ELAVL2: variants seen among roughly 807,000 people sequenced by gnomAD.
ELAVL2 encodes ELAV like RNA binding protein 2, also known as ELAV-like protein 2.
ELAVL2 carries 4 observed loss-of-function variants against 34.6 expected under a neutral mutation model. The observed-to-expected ratio is 0.12, with a 90% CI of 0.06 to 0.26. ELAVL2 has a LOEUF of 0.26. Among genes scored for constraint, ELAVL2 ranks in the 10% least tolerant of loss-of-function variants. ELAVL2 has a pLI of 1.00. For missense variants in ELAVL2, 432 were observed against 442.8 expected, an observed-to-expected ratio of 0.98 and a Z score of 0.22; for synonymous variants, 193 against 154.8, an observed-to-expected ratio of 1.25 and a Z score of -1.83.
At chr9:23,728,013 G>C (rs1445282934) in intron 3 of ELAVL2, among the ~76,000 whole-genome samples, 1 of 152,020 alleles carries the variant, frequency 6.6e-6, no homozygotes, top group African/African-American at 2.4e-5. Flanking sequence ...CCTTTCTAAA[G>C]TAAAGCACAG....
At chr9:23,726,329 T>C (rs564984100) in intron 3 of ELAVL2, among the ~76,000 whole-genome samples, 18 of 152,260 alleles carry the variant, frequency 1.2e-4, no homozygotes, top group African/African-American at 4.3e-4. Context: ...CATGATTGTA[T>C]ACCAATTAAT....
At chr9:23,724,775 G>A (rs950458551) in intron 3 of ELAVL2, among the ~76,000 whole-genome samples, 2 of 152,076 alleles carry the variant, frequency 1.3e-5, no homozygotes, top group Non-Finnish European at 1.5e-5. Flanking sequence ...AATGAAGTTA[G>A]GAAAACATGT....
intron 1 of ELAVL2, among the ~76,000 whole-genome samples, chr9:23,812,102 G>T (rs957889497): frequency 6.6e-6 from 1 of 152,016 alleles, no homozygotes; most frequent in Non-Finnish European, 1.5e-5. Flanking sequence ...ACTATTAAAT[G>T]CAAGAGTGGG....
At chr9:23,801,753 T>C (rs758065317) in intron 1 of ELAVL2, among the ~76,000 whole-genome samples, 1 of 152,230 alleles carries the variant, frequency 6.6e-6, no homozygotes, top group Non-Finnish European at 1.5e-5. Flanking sequence ...AAGAAATTAA[T>C]TCTATTACAA....
At chr9:23,737,784 A>C (rs2048242850) in intron 2 of ELAVL2, among the ~76,000 whole-genome samples, 1 of 152,208 alleles carries the variant, frequency 6.6e-6, no homozygotes, top group South Asian at 2.1e-4. Flanking sequence ...CAGTTAGCAG[A>C]AACAGGTCAC....
chr9:23,797,596 A>G (rs913486809), intron 1 of ELAVL2, among the ~76,000 whole-genome samples: 3 of 152,222 alleles, frequency 2.0e-5, no homozygotes, highest in African/African-American at 7.2e-5. Context: ...CACCAGGTGT[A>G]CGATTTAGGT....
chr9:23,755,823 C>A (rs1256589889), intron 2 of ELAVL2, among the ~76,000 whole-genome samples: 1 of 152,116 alleles, frequency 6.6e-6, no homozygotes, highest in Non-Finnish European at 1.5e-5. Flanking sequence ...ACCACCCACC[C>A]AACCACCCTG....
intron 2 of ELAVL2, among the ~76,000 whole-genome samples, chr9:23,756,545 C>A (rs1394363502): frequency 6.6e-6 from 1 of 151,974 alleles, no homozygotes; most frequent in African/African-American, 2.4e-5. Flanking sequence ...GTTTCAAAAA[C>A]CTAATTACAC....
intron 3 of ELAVL2, among the ~76,000 whole-genome samples, chr9:23,727,758 T>C (rs1041317994): frequency 6.6e-6 from 1 of 151,998 alleles, no homozygotes; most frequent in South Asian, 2.1e-4. Context: ...CCTGAGGGAC[T>C]TCACTTCACT....
chr9:23,808,902 G>C (rs2062603342), intron 1 of ELAVL2, among the ~76,000 whole-genome samples: 1 of 152,106 alleles, frequency 6.6e-6, no homozygotes, highest in Admixed American at 6.6e-5. Context: ...ATTCCATAGG[G>C]AACTGGGGAG....
At chr9:23,715,508 A>C (rs149692480) in intron 3 of ELAVL2, among the ~76,000 whole-genome samples, 1 of 152,214 alleles carries the variant, frequency 6.6e-6, no homozygotes. Flanking sequence ...ATTTGCCCAA[A>C]TAACTTGGCT....
intron 2 of ELAVL2, among the ~76,000 whole-genome samples, chr9:23,732,518 G>A (rs1564146305): frequency 6.6e-6 from 1 of 152,282 alleles, no homozygotes; most frequent in East Asian, 1.9e-4. Flanking sequence ...TTCTAGTAAA[G>A]AGTCACATGT....
intron 1 of ELAVL2, chr9:23,765,171 T>G: frequency 3.6e-6 from 5 of 1,378,806 alleles, no homozygotes; most frequent in Non-Finnish European, 5.0e-6. Flanking sequence ...TTGTACAAAA[T>G]TTACAGTGAT....
intron 3 of ELAVL2, among the ~76,000 whole-genome samples, chr9:23,712,008 T>C (rs956350823): frequency 1.3e-5 from 2 of 152,096 alleles, no homozygotes; most frequent in Admixed American, 6.6e-5. Context: ...GAAATTTCAT[T>C]TCTCAAATTG....
chr9:23,787,014 T>G (rs1009806228), intron 1 of ELAVL2, among the ~76,000 whole-genome samples: 1 of 152,118 alleles, frequency 6.6e-6, no homozygotes, highest in South Asian at 2.1e-4. Flanking sequence ...ACTGAGGAAC[T>G]TGGACCTGTA....
intron 1 of ELAVL2, among the ~76,000 whole-genome samples, chr9:23,762,573 C>G (rs932327647): frequency 3.3e-5 from 5 of 151,914 alleles, no homozygotes; most frequent in Admixed American, 6.6e-5. Context: ...AAATCAAGTA[C>G]CAAAGGGCAC....
chr9:23,747,288 C>G (rs1055834321), intron 2 of ELAVL2, among the ~76,000 whole-genome samples: 1 of 152,072 alleles, frequency 6.6e-6, no homozygotes, highest in Admixed American at 6.6e-5. Context: ...AATTTAATCA[C>G]GATACTCTGA....
intron 2 of ELAVL2, among the ~76,000 whole-genome samples, chr9:23,742,600 G>A (rs534257661): frequency 1.3e-5 from 2 of 152,248 alleles, no homozygotes; most frequent in East Asian, 1.9e-4. Flanking sequence ...GCTATAGACC[G>A]ATATGTACAA....
At chr9:23,758,926 T>C (rs1476003156) in intron 2 of ELAVL2, among the ~76,000 whole-genome samples, 6 of 151,958 alleles carry the variant, frequency 3.9e-5, no homozygotes, top group Non-Finnish European at 2.9e-5. Flanking sequence ...CAAATGAAGG[T>C]TGAAAAACAT....
Sources: allele counts gnomAD v4.1 joint callset (sites outside exome capture counted in the v4.1 genomes callset), GRCh38; gene constraint gnomAD v4.1.1; transcripts MANE v1.5; gene names NCBI Gene and HGNC (gene_info 2026-07-23, HGNC 2026-07-21).